Variants in RNGTT observed in about 807,000 individuals in gnomAD.
The protein encoded by RNGTT is mRNA-capping enzyme.
RNGTT carries 33 observed loss-of-function variants against 79.3 expected under a neutral mutation model. That is an observed-to-expected ratio of 0.42 (90% CI 0.32 to 0.56). RNGTT has a LOEUF of 0.56. RNGTT is among the 20% of genes least tolerant of loss of function. The pLI, the probability that RNGTT is intolerant of heterozygous loss-of-function variation, is 0.17. For synonymous variants in RNGTT, 222 were observed against 235.9 expected (o/e 0.94, Z 0.54); for missense variants, 497 against 739.1 (o/e 0.67, Z 3.80).
intron 1 of RNGTT, among the ~76,000 whole-genome samples, chr6:88,942,472 G>A (rs866267441): frequency 2.0e-5 from 3 of 152,086 alleles, no homozygotes; most frequent in Middle Eastern, 6.8e-3. Context: ...CTGGGCTCAA[G>A]CAATCCTTCC....
chr6:88,787,607 C>T (rs1779271377), intron 12 of RNGTT, among the ~76,000 whole-genome samples: 1 of 151,814 alleles, frequency 6.6e-6, no homozygotes, highest in South Asian at 2.1e-4. Context: ...TGCAGTGAGC[C>T]CAGATCGCGT....
intron 12 of RNGTT, among the ~76,000 whole-genome samples, chr6:88,783,180 T>C (rs1380619560): frequency 9.9e-5 from 15 of 152,140 alleles, no homozygotes. Context: ...AAAGAAAACG[T>C]GGTGTACATA....
chr6:88,924,812 C>A (rs905385540), intron 4 of RNGTT, among the ~76,000 whole-genome samples: 1 of 151,446 alleles, frequency 6.6e-6, no homozygotes, highest in African/African-American at 2.4e-5. Context: ...TAGCCTCAAA[C>A]TCCTGGGCTC....
intron 8 of RNGTT, among the ~76,000 whole-genome samples, chr6:88,869,425 T>C (rs922948651): frequency 1.3e-5 from 2 of 152,170 alleles, no homozygotes; most frequent in Non-Finnish European, 2.9e-5. Context: ...TATTTGTCTA[T>C]AGCTGATTGG....
chr6:88,679,783 G>C (rs1478228816), intron 13 of RNGTT, among the ~76,000 whole-genome samples: 1 of 152,158 alleles, frequency 6.6e-6, no homozygotes, highest in Admixed American at 6.5e-5. Flanking sequence ...GTGTTTAACT[G>C]ACCTAAATGT....
chr6:88,765,821 G>A (rs1778441093), intron 13 of RNGTT, among the ~76,000 whole-genome samples: 1 of 152,130 alleles, frequency 6.6e-6, no homozygotes, highest in Non-Finnish European at 1.5e-5. Context: ...ATAATGAAAA[G>A]TTACTGACTT....
Position 88,929,216 on chromosome 6 carries a change from G to C in RNGTT, c.226C>G (p.Arg76Gly), listed in dbSNP as rs749388543. 1 of 1,606,574 alleles carries C rather than the reference G, an allele frequency of 6.2e-7. No homozygotes were observed. Among genetic ancestry groups the C allele is most frequent in the Non-Finnish European group, 8.5e-7 (1 of 1,176,770 alleles). The change falls in exon 3 of 16, where the codon CGA (arginine) becomes GGA (glycine). Residue 76 changes from arginine (R) to glycine (G), a missense_variant. Around this residue, in one of 3 missense-constraint regions of RNGTT, gnomAD observed 440 missense variants for 671.5 expected, o/e 0.66. Coordinates refer to ENST00000369485, the MANE Select transcript of RNGTT (RefSeq NM_003800.5). ...ATTCCTTCTTTTTCTATGTCATTTC[G>C]GTCATAGAACCTTGAAGTATTTGTC... Reference protein sequence around the residue: ...DLTNTSRFYDRNDIEKEGIKY... With the variant: ...DLTNTSRFYDGNDIEKEGIKY...
At chr6:88,892,339 A>T (rs1439268890) in intron 6 of RNGTT, among the ~76,000 whole-genome samples, 2 of 152,128 alleles carry the variant, frequency 1.3e-5, no homozygotes, top group Non-Finnish European at 2.9e-5. Flanking sequence ...GAATTTGAAC[A>T]GGCCTACACT....
chr6:88,869,294 T>G (rs1472782118), intron 8 of RNGTT, among the ~76,000 whole-genome samples: 1 of 152,174 alleles, frequency 6.6e-6, no homozygotes, highest in Non-Finnish European at 1.5e-5. Context: ...ATCTGAAACT[T>G]CAAGTCATAA....
chr6:88,707,725 T>TAAAA lies in RNGTT; in HGVS notation c.1440-29310_1440-29307dup, dbSNP rs60313151. Among the ~76,000 whole-genome samples the TAAAA allele has an allele frequency of 1.1e-3, 131 of 123,548 alleles. 2 individuals carry two copies. Among genetic ancestry groups the TAAAA allele is most frequent in the South Asian group, 6.4e-3 (24 of 3,754 alleles). The allele number at this position is 123,548 out of a possible 152,430, so 81.1% of individuals were successfully genotyped here. Reference sequence around the variant, plus strand: ...GCACACTTCATAGCTTCCCTAACATTAAAAAAAAAAAAAAAAGGCAAACTG... The same window carrying TAAAA: ...GCACACTTCATAGCTTCCCTAACATTAAAAAAAAAAAAAAAAAAAAGGCAAACTG... On this transcript the variant is annotated intron_variant, in intron 13 of 15. Transcript: ENST00000369485.
intron 13 of RNGTT, among the ~76,000 whole-genome samples, chr6:88,685,627 T>G (rs1015756657): frequency 1.3e-5 from 2 of 151,774 alleles, no homozygotes; most frequent in African/African-American, 4.8e-5. Context: ...CAAATTGGGT[T>G]TATTCTAAAA....
At chr6:88,634,491 T>A (rs1219021903) in intron 14 of RNGTT, among the ~76,000 whole-genome samples, 2 of 152,164 alleles carry the variant, frequency 1.3e-5, no homozygotes, top group African/African-American at 4.8e-5. Context: ...TCAGTAATAA[T>A]ATTCACTAAG....
At chr6:88,948,861 A>G (rs1454450669) in intron 1 of RNGTT, among the ~76,000 whole-genome samples, 3 of 91,948 alleles carry the variant, frequency 3.3e-5, no homozygotes, top group Admixed American at 2.4e-4. Flanking sequence ...TCAGGGTTAA[A>G]TGGATTAAGG....
At chr6:88,921,561 A>T (rs535305220) in intron 4 of RNGTT, among the ~76,000 whole-genome samples, 2 of 152,160 alleles carry the variant, frequency 1.3e-5, no homozygotes, top group African/African-American at 4.8e-5. Context: ...TTCAATTTTT[A>T]CCATACTGTT....
chr6:88,913,958 A>G (rs1241413331), intron 4 of RNGTT, among the ~76,000 whole-genome samples: 2 of 152,196 alleles, frequency 1.3e-5, no homozygotes, highest in African/African-American at 2.4e-5. Context: ...AAATCTACAT[A>G]CAAAAATCAA....
chr6:88,638,532 A>G (rs1453709575), intron 14 of RNGTT, among the ~76,000 whole-genome samples: 1 of 152,154 alleles, frequency 6.6e-6, no homozygotes, highest in African/African-American at 2.4e-5. Flanking sequence ...CTTTGTTGTG[A>G]TAAGTTCAAT....
intron 11 of RNGTT, among the ~76,000 whole-genome samples, chr6:88,828,299 G>A (rs138482859): frequency 0.019 from 2,917 of 152,296 alleles, 85 homozygotes; most frequent in African/African-American, 0.066. Flanking sequence ...CAGAAGAGGG[G>A]CCTGACTGTT....
At chr6:88,899,593 T>A (rs1319588143) in intron 6 of RNGTT, among the ~76,000 whole-genome samples, 1 of 151,824 alleles carries the variant, frequency 6.6e-6, no homozygotes, top group Non-Finnish European at 1.5e-5. Flanking sequence ...AGACTAACTT[T>A]GTAGCCACAA....
intron 12 of RNGTT, among the ~76,000 whole-genome samples, chr6:88,789,810 A>G (rs1476530320): frequency 6.6e-6 from 1 of 152,220 alleles, no homozygotes; most frequent in African/African-American, 2.4e-5. Flanking sequence ...CAGAGGATGG[A>G]TAACAGGCTT....
Sources: gnomAD v4.1 joint callset for allele counts (sites outside exome capture counted in the v4.1 genomes callset) on GRCh38, gnomAD v4.1.1 for gene constraint, gnomAD v4.1.1 regional missense constraint, MANE v1.5 for transcripts, NCBI Gene and HGNC (gene_info 2026-07-23, HGNC 2026-07-21) for gene names.